Variants in RAB37 observed in about 807,000 individuals in gnomAD.
RAB37 encodes ras-related protein Rab-37.
A neutral mutation model predicts 33.1 loss-of-function variants in RAB37; 29 were observed. That is an observed-to-expected ratio of 0.88 (90% CI 0.65 to 1.20). The LOEUF is 1.20. RAB37 is among the 50% of genes most tolerant of loss of function. The pLI, the probability that RAB37 is intolerant of heterozygous loss-of-function variation, is 0.00. For missense variants in RAB37, 299 were observed against 301.1 expected (o/e 0.99, Z 0.05); for synonymous variants, 128 against 119.5 (o/e 1.07, Z -0.47).
At chr17:74,692,068 A>T (rs913624874) in intron 1 of RAB37, among the ~76,000 whole-genome samples, 1 of 151,898 alleles carries the variant, frequency 6.6e-6, no homozygotes, top group Non-Finnish European at 1.5e-5. Flanking sequence ...GGGTTTCACC[A>T]TGTTAGCCAG....
At chr17:74,722,094 G>T (rs1435130368) in intron 1 of RAB37, among the ~76,000 whole-genome samples, 1 of 151,800 alleles carries the variant, frequency 6.6e-6, no homozygotes, top group South Asian at 2.1e-4. Flanking sequence ...AGGAGATCGA[G>T]ACCACAGTGA....
intron 1 of RAB37, among the ~76,000 whole-genome samples, chr17:74,696,882 C>T (rs138154120): frequency 4.0e-5 from 6 of 151,606 alleles, no homozygotes; most frequent in African/African-American, 7.3e-5. Context: ...CAAGCTGGGT[C>T]GGCACAGTAG....
intron 1 of RAB37, among the ~76,000 whole-genome samples, chr17:74,717,482 G>A (rs995575242): frequency 1.3e-5 from 2 of 152,158 alleles, no homozygotes; most frequent in South Asian, 4.1e-4. Context: ...AGAGTAACTA[G>A]GTCTCCTGAA....
intron 1 of RAB37, among the ~76,000 whole-genome samples, chr17:74,702,661 A>C (rs2033160040): frequency 6.6e-6 from 1 of 152,108 alleles, no homozygotes; most frequent in African/African-American, 2.4e-5. Context: ...GCCCACACTC[A>C]CATGAGACAC....
At chr17:74,722,687 T>C (rs983515239) in intron 1 of RAB37, among the ~76,000 whole-genome samples, 4 of 152,248 alleles carry the variant, frequency 2.6e-5, no homozygotes, top group African/African-American at 9.6e-5. Flanking sequence ...CACTTTTCTA[T>C]TGAAGTTTTC....
chr17:74,718,581 A>C (rs2034199844), intron 1 of RAB37, among the ~76,000 whole-genome samples: 1 of 152,134 alleles, frequency 6.6e-6, no homozygotes, highest in African/African-American at 2.4e-5. Flanking sequence ...GGAAAAAAAA[A>C]CAAGCGTTTG....
At chr17:74,699,444 A>C (rs1383100259) in intron 1 of RAB37, among the ~76,000 whole-genome samples, 1 of 152,164 alleles carries the variant, frequency 6.6e-6, no homozygotes, top group Admixed American at 6.5e-5. Context: ...ATGAGGTCAT[A>C]GTTGATTAGC....
rs571653685 is a variant in RAB37, at chr17:74,742,570, T to C, written c.246+275T>C. 2.6e-5 allele frequency among the ~76,000 whole-genome samples: 4 copies of C among 152,276 alleles called. No individual in the cohort carries two copies. Among genetic ancestry groups the C allele is most frequent in the Middle Eastern group, 3.5e-3 (1 of 288 alleles). On this transcript the variant is annotated intron_variant, in intron 3 of 8. Transcript: ENST00000392613. The surrounding 1 kb of genome is among the most constrained non-coding windows in gnomAD (Gnocchi z 4.0). ...CAGGGCTTTATCTGCTCTTAGGAGA[T>C]TGGACATCCCCAACCCCTGAGCTAG...
intron 1 of RAB37, among the ~76,000 whole-genome samples, chr17:74,687,350 A>G (rs867500474): frequency 6.6e-6 from 1 of 151,896 alleles, no homozygotes; most frequent in African/African-American, 2.4e-5. Flanking sequence ...CGGCCTCCCA[A>G]GTAGCTGGGA....
At chr17:74,734,974 AAAG>A (rs1441953388), upstream of RAB37, among the ~76,000 whole-genome samples, 4 of 127,828 alleles carry the variant, frequency 3.1e-5, no homozygotes, top group African/African-American at 1.5e-4. Flanking sequence ...AAAGAAAAAG[AAAG>A]AAAGAAAAAG....
chr17:74,729,000 G>A (rs1014842714), intron 1 of RAB37, among the ~76,000 whole-genome samples: 7 of 151,274 alleles, frequency 4.6e-5, no homozygotes, highest in African/African-American at 1.7e-4. Flanking sequence ...GCTTCTGTGT[G>A]TATGTTTCTG....
In RAB37 at chr17:74,743,275, C is replaced by T. The variant is rs1399227856; in HGVS notation, c.314-13C>T. On this transcript the variant is annotated splice_polypyrimidine_tract_variant and intron_variant, in intron 4 of 8. Coordinates refer to ENST00000392613, the MANE Select transcript of RAB37 (RefSeq NM_001006638.3). ...TGCTGCCTAAGTCCCCTCTGTGATC[C>T]TCTCCCCTCCAGCCTTGCTTCTGCT... 1 of 1,614,130 alleles carries T rather than the reference C, an allele frequency of 6.2e-7. No individual in the cohort carries two copies. The highest frequency in any genetic ancestry group is 8.5e-7 in the Non-Finnish European group (1 of 1,180,000).
At chr17:74,697,464 A>G (rs1340878947) in intron 1 of RAB37, among the ~76,000 whole-genome samples, 1 of 152,228 alleles carries the variant, frequency 6.6e-6, no homozygotes, top group African/African-American at 2.4e-5. Context: ...AGCGATGAAT[A>G]AAAGTCAGGC....
Position 74,740,843 on chromosome 17 carries a change from G to C in RAB37, c.169G>C (p.Gly57Arg), listed in dbSNP as rs746236671. The C allele has an allele frequency of 1.2e-6, 2 of 1,613,984 alleles. No individual in the cohort carries two copies. Among genetic ancestry groups the C allele is most frequent in the Admixed American group, 3.3e-5 (2 of 60,026 alleles). Residue 57 changes from glycine to arginine, a missense_variant, in exon 2 of 9, where the codon GGA (glycine) becomes CGA (arginine). By Grantham distance (125) the Gly-to-Arg change is moderately radical. Transcript: ENST00000392613. ...IQFKDGAFLS[G>R]TFIATVGIDF... is the part of the protein sequence containing the mutation. Reference sequence around the variant, plus strand: ...ATTCAAAGACGGGGCCTTCCTGTCCGGAACCTTCATAGCCACCGTCGGCAT... The same window carrying C: ...ATTCAAAGACGGGGCCTTCCTGTCCCGAACCTTCATAGCCACCGTCGGCAT...
At position 74,673,799 on chromosome 17, in the gene RAB37, C is replaced by T. The variant is rs116687690; in HGVS notation, c.72+2141C>T. Among the ~76,000 whole-genome samples, 436 of 152,226 alleles carry T rather than the reference C, an allele frequency of 2.9e-3. 1 individual carries two copies. Among genetic ancestry groups the T allele is most frequent in the African/African-American group, 9.8e-3 (405 of 41,534 alleles). Reference sequence around the variant, plus strand: ...GTGTGAGCACCCTGAGAGCAGGAGCCAGCCTTAAACCTTCTGTGGTGCCCA... The same window carrying T: ...GTGTGAGCACCCTGAGAGCAGGAGCTAGCCTTAAACCTTCTGTGGTGCCCA... On this transcript the variant is annotated intron_variant, in intron 1 of 7. Coordinates refer to the RAB37 transcript ENST00000340415.
intron 1 of RAB37, among the ~76,000 whole-genome samples, chr17:74,713,861 A>G (rs796127363): frequency 1.2e-4 from 16 of 131,936 alleles, no homozygotes; most frequent in African/African-American, 4.6e-4. Context: ...CCAGGAGTTC[A>G]AGACCAGCCT....
At chr17:74,718,203 G>A (rs1401912650) in intron 1 of RAB37, among the ~76,000 whole-genome samples, 1 of 151,244 alleles carries the variant, frequency 6.6e-6, no homozygotes, top group Admixed American at 6.6e-5. Context: ...CTGAGGCAGG[G>A]GAATCACCTG....
chr17:74,679,467 T>C (rs2031909151), intron 1 of RAB37, among the ~76,000 whole-genome samples: 2 of 152,110 alleles, frequency 1.3e-5, no homozygotes, highest in Non-Finnish European at 2.9e-5. Context: ...AGGTAAGAAA[T>C]ATTAAAAATC....
intron 1 of RAB37, among the ~76,000 whole-genome samples, chr17:74,714,667 C>T: frequency 6.6e-6 from 1 of 152,098 alleles, no homozygotes; most frequent in Non-Finnish European, 1.5e-5. Flanking sequence ...TCCCCTCGCT[C>T]CACCCCTCAC....
Sources: allele counts gnomAD v4.1 joint callset (sites outside exome capture counted in the v4.1 genomes callset), GRCh38; gene constraint gnomAD v4.1.1; non-coding constraint Gnocchi (gnomAD v3.1); transcripts MANE v1.5; gene names NCBI Gene and HGNC (gene_info 2026-07-23, HGNC 2026-07-21).